OSBPL7: variants seen among roughly 807,000 people sequenced by gnomAD.
OSBPL7 encodes the protein oxysterol-binding protein-related protein 7.
In OSBPL7, 66 loss-of-function variants were observed where a neutral mutation model predicts 115.8. The observed-to-expected ratio is 0.57, with a 90% CI of 0.47 to 0.70. The LOEUF is 0.70. Ranked by LOEUF, OSBPL7 falls within the 30% of genes least tolerant of loss-of-function variation. The probability of loss-of-function intolerance (pLI) is 0.00; values close to 1 mark genes in which losing one functional copy is unlikely to be tolerated. For synonymous variants in OSBPL7, 441 were observed against 439.2 expected (o/e 1.00, Z -0.05); for missense variants, 902 against 1,125.5 (o/e 0.80, Z 2.84).
At chr17:47,812,375 T>C (rs970503233) in intron 16 of OSBPL7, among the ~76,000 whole-genome samples, 1 of 152,210 alleles carries the variant, frequency 6.6e-6, no homozygotes, top group African/African-American at 2.4e-5. Context: ...CTCCTCCCTC[T>C]AAGCTGGCCA....
rs768965855 is a variant in OSBPL7 at position 47,808,338 on chromosome 17, G to A, written c.2482C>T (p.Arg828Trp). 6.8e-6 allele frequency: 11 copies of A among 1,613,910 alleles called. No homozygotes were observed. Among genetic ancestry groups the A allele is most frequent in the Admixed American group, 3.3e-5 (2 of 60,006 alleles). ...WVTNNTYWRL[R>W]AEPGYGNMDG... ...ATGTTCCCATAGCCTGGCTCGGCCC[G>A]CAGCCTCCAGTAGGTATTGTTGGTC... The change falls in exon 23 of 23, where the codon CGG (arginine) becomes TGG (tryptophan). Residue 828 changes from arginine (R) to tryptophan (W), a missense_variant. By Grantham distance (101) the Arg-to-Trp change is moderately radical (BLOSUM62 -3). Transcript: ENST00000007414. This position sits in a 1 kb window ranked among gnomAD's most constrained non-coding sequence, Gnocchi z 6.1.
rs758447091 is a variant in OSBPL7 at position 47,810,796 on chromosome 17, ACT to A, written c.1775_1776del (p.Glu592ValfsTer2). ...HHPPISACHA[E>X]SENFAFWQDM... is the part of the protein sequence containing the mutation. Reference sequence around the variant, plus strand: ...CCTTGCCAGAAGGCGAAGTTCTCAGACTCTGCATGGCAGGCCGAGATAGGGGG... The same window carrying A: ...CCTTGCCAGAAGGCGAAGTTCTCAGACTGCATGGCAGGCCGAGATAGGGGG... On this transcript the variant is annotated frameshift_variant, in exon 17 of 23. Transcript: ENST00000007414. LOFTEE classifies it high-confidence loss of function. 5 of 1,613,752 alleles carry A rather than the reference ACT, an allele frequency of 3.1e-6. No individual in the cohort carries two copies. In the African/African-American group the frequency reaches 6.7e-5, roughly 22 times the overall value.
chr17:47,816,209 G>A lies in OSBPL7; in HGVS notation c.1024-7C>T. ...CAGTGGAGGCCTCAGAGACCTGCAG[G>A]GAGAGGGTGAGGGACACGGTGCCAG... On this transcript the variant is annotated splice_region_variant and splice_polypyrimidine_tract_variant and intron_variant, in intron 11 of 22. Transcript: ENST00000007414. The surrounding 1 kb of genome is among the most constrained non-coding windows in gnomAD (Gnocchi z 5.8). 6.5e-7 allele frequency: 1 copy of A among 1,548,934 alleles called. No homozygotes were observed. The highest frequency in any genetic ancestry group is 2.0e-5 in the Admixed American group (1 of 50,934).
At position 47,815,338 on chromosome 17, in the gene OSBPL7, G is replaced by A. The variant is rs536234931; in HGVS notation, c.1134C>T (p.Tyr378=). 26 of 1,613,800 alleles carry A rather than the reference G, an allele frequency of 1.6e-5. No homozygotes were observed. Among genetic ancestry groups the A allele is most frequent in the African/African-American group, 1.2e-4 (9 of 75,048 alleles). Residue 378 remains tyrosine (Y), a synonymous_variant, in exon 13 of 23, where the codon TAC becomes TAT. Coordinates refer to ENST00000007414, the MANE Select transcript of OSBPL7 (RefSeq NM_145798.3). ...SLNPEEQEAL[Y]MKGRELTPQL... Reference sequence around the variant, plus strand: ...GGGGGGTGAGCTCGCGCCCCTTCATGTACAGAGCTTCTTGCTGTGGGAGCA... The same window carrying A: ...GGGGGGTGAGCTCGCGCCCCTTCATATACAGAGCTTCTTGCTGTGGGAGCA...
At chr17:47,819,494 C>G (rs912207425) in intron 4 of OSBPL7, 3 of 605,918 alleles carry the variant, frequency 5.0e-6, no homozygotes, top group Non-Finnish European at 8.8e-6. Context: ...GTCCAGAGAG[C>G]CTTGTACGTA....
chr17:47,814,479 A>AACCCCCC, intron 14 of OSBPL7, 42 bp downstream of exon 14: 1 of 1,086,692 alleles, frequency 9.2e-7, no homozygotes, highest in Non-Finnish European at 1.4e-6. Flanking sequence ...CTGTTTTTCC[A>AACCCCCC]CCCGCCTCCC....
At position 47,808,689 on chromosome 17, in the gene OSBPL7, C is replaced by A; in HGVS notation, c.2298-29G>T. 6.2e-7 allele frequency: 1 copy of A among 1,613,148 alleles called. No individual in the cohort carries two copies. Among genetic ancestry groups the A allele is most frequent in the Non-Finnish European group, 8.5e-7 (1 of 1,179,424 alleles). The stretch of plus-strand genomic sequence containing the variant: ...AGGATCCAGATCAAACTCAGGGGAA[C>A]TGCCCATCTGCAGGGGCCCCCAAAC... On this transcript the variant is annotated intron_variant, in intron 21 of 22. Transcript: ENST00000007414. This position sits in a 1 kb window ranked among gnomAD's most constrained non-coding sequence, Gnocchi z 6.1.
rs755072637 is a variant in OSBPL7, at chr17:47,815,205, C to T, written c.1257+10G>A. ...ACCCCGCCTCACTGCCAGCTTCTCT[C>T]CTCCCTCACCTCATTCTCAGAAGAG... On this transcript the variant is annotated intron_variant, in intron 13 of 22. Coordinates refer to ENST00000007414, the MANE Select transcript of OSBPL7 (RefSeq NM_145798.3). 1.9e-6 allele frequency: 3 copies of T among 1,606,802 alleles called. No homozygotes were observed. Among genetic ancestry groups the T allele is most frequent in the Admixed American group, 3.3e-5 (2 of 59,768 alleles).
intron 16 of OSBPL7, among the ~76,000 whole-genome samples, chr17:47,812,438 G>A (rs1055838980): frequency 3.3e-5 from 5 of 152,128 alleles, no homozygotes; most frequent in Non-Finnish European, 5.9e-5. Flanking sequence ...CCAGGCCAGC[G>A]ACTCCAGAGC....
chr17:47,815,389 C>T (rs779885974), intron 12 of OSBPL7, 37 bp from the exon 13 acceptor site: 75 of 1,610,646 alleles, frequency 4.7e-5, no homozygotes, highest in Non-Finnish European at 6.4e-5. Flanking sequence ...GGCTCCGGGG[C>T]CAAGCCGGGG....
rs778748482 is a variant in OSBPL7 at position 47,816,893 on chromosome 17, C to A, written c.703-21G>T. On this transcript the variant is annotated intron_variant, in intron 8 of 22. Transcript: ENST00000007414. The surrounding 1 kb of genome is among the most constrained non-coding windows in gnomAD (Gnocchi z 5.8). ...GAGGCCTGGCAAGTCAAGGTGGGGG[C>A]AATTTTACTCACAGGGTGGGGAAAA... is the stretch of plus-strand genomic sequence containing the variant. 1.2e-6 allele frequency: 2 copies of A among 1,610,678 alleles called. No individual in the cohort carries two copies. The highest frequency in any genetic ancestry group is 2.2e-5 in the South Asian group (2 of 91,006).
intron 1 of OSBPL7, 30 bp from the exon 2 acceptor site, chr17:47,820,395 C>T: frequency 1.0e-6 from 1 of 970,642 alleles, no homozygotes; most frequent in Non-Finnish European, 1.5e-6. Flanking sequence ...CCCCTTAACG[C>T]AAACTCTGCT....
In OSBPL7 at chr17:47,816,294, CACCCTG is replaced by C; in HGVS notation, c.1023+88_1023+93del. 1 of 1,491,000 alleles carries C rather than the reference CACCCTG, an allele frequency of 6.7e-7. No individual in the cohort carries two copies. Among genetic ancestry groups the C allele is most frequent in the Non-Finnish European group, 9.0e-7 (1 of 1,108,854 alleles). The allele number at this position is 1,491,000 out of a possible 1,614,324, so 92.4% of individuals were successfully genotyped here. ...GCAGAGACTGCCTCTGCCAACCCCC[CACCCTG>C]ACCCAGATCTGCTATCGGACCCCAG... On this transcript the variant is annotated intron_variant, in intron 11 of 22. Transcript: ENST00000007414. This position sits in a 1 kb window ranked among gnomAD's most constrained non-coding sequence, Gnocchi z 5.8.
In OSBPL7 at chr17:47,808,573, C is replaced by T. The variant is rs752986729; in HGVS notation, c.2385G>A (p.Glu795=). ...QLQRDRRKVM[E]ENNIVHQARF... ...GAGCCTGGTGTACGATGTTGTTTTCCTCCATGACTTTGCGCCTGTCTCGCT... is the reference window on the plus strand; with the variant it reads ...GAGCCTGGTGTACGATGTTGTTTTCTTCCATGACTTTGCGCCTGTCTCGCT... The change falls in exon 22 of 23, where the codon GAG becomes GAA. Residue 795 remains glutamate, a synonymous_variant. Transcript: ENST00000007414. The surrounding 1 kb of genome is among the most constrained non-coding windows in gnomAD (Gnocchi z 6.1). The T allele has an allele frequency of 6.2e-7, 1 of 1,614,212 alleles. No homozygotes were observed.
At chr17:47,815,505 G>T in intron 12 of OSBPL7, 153 bp from the exon 13 acceptor site, 1 of 940,726 alleles carries the variant, frequency 1.1e-6, no homozygotes, top group Non-Finnish European at 1.6e-6. Flanking sequence ...GCAGAGAGGA[G>T]TGAGAGCGGG....
At chr17:47,818,241 T>G in intron 7 of OSBPL7, 28 bp downstream of exon 7, 1 of 1,589,648 alleles carries the variant, frequency 6.3e-7, no homozygotes, top group Admixed American at 1.7e-5. Context: ...GGCCTACCCT[T>G]GGAGGTGCTG....
chr17:47,808,132 A>T lies in OSBPL7; in HGVS notation c.*159T>A. The T allele has an allele frequency of 1.6e-6, 1 of 613,306 alleles. No individual in the cohort carries two copies. Among genetic ancestry groups the T allele is most frequent in the Non-Finnish European group, 2.9e-6 (1 of 347,178 alleles). 38.0% of individuals were successfully genotyped at this position (613,306 alleles called of 1,614,324 possible). ...ACGGTGGGGTTGGGGGTGGGCTGAG[A>T]TGCAGACCCTCTGGCCAGCAGAGGG... On this transcript the variant is annotated 3_prime_UTR_variant, in exon 23 of 23. Coordinates refer to ENST00000007414, the MANE Select transcript of OSBPL7 (RefSeq NM_145798.3). The surrounding 1 kb of genome is among the most constrained non-coding windows in gnomAD (Gnocchi z 6.1).
chr17:47,812,003 T>G (rs2033058197), intron 16 of OSBPL7, among the ~76,000 whole-genome samples: 1 of 152,134 alleles, frequency 6.6e-6, no homozygotes, highest in Admixed American at 6.5e-5. Context: ...GTGTACTGTG[T>G]CAATCTTCAC....
intron 7 of OSBPL7, 99 bp from the exon 8 acceptor site, chr17:47,817,458 C>T (rs1471161545): frequency 1.2e-5 from 9 of 758,900 alleles, no homozygotes; most frequent in Admixed American, 2.9e-5. Flanking sequence ...GGCGTGATCT[C>T]GGCTCACTGC....
Sources: allele counts gnomAD v4.1 joint callset (sites outside exome capture counted in the v4.1 genomes callset), GRCh38; gene constraint gnomAD v4.1.1; non-coding constraint Gnocchi (gnomAD v3.1); transcripts MANE v1.5; gene names NCBI Gene and HGNC (gene_info 2026-07-23, HGNC 2026-07-21).